The following ZNF592 variants were observed in gnomAD, a reference collection of about 807,000 sequenced individuals.
ZNF592 encodes the protein spinocerebellar ataxia, autosomal recessive 5.
ZNF592 carries 11 observed loss-of-function variants against 80.3 expected under a neutral mutation model. That is an observed-to-expected ratio of 0.14 (90% confidence interval 0.09 to 0.23). The LOEUF is 0.23. ZNF592 is among the 10% of genes least tolerant of loss of function. The pLI is 1.00. For synonymous variants in ZNF592, 646 were observed against 640.3 expected (o/e 1.01, Z -0.13); for missense variants, 1,420 against 1,633.9 (o/e 0.87, Z 2.26).
chr15:84,751,829 T>G (rs1045897053), intron 1 of ZNF592, among the ~76,000 whole-genome samples: 2 of 152,136 alleles, frequency 1.3e-5, no homozygotes, highest in African/African-American at 2.4e-5. Flanking sequence ...TGCTTTAACC[T>G]GGGAGGTGAA....
chr15:84,753,857 G>A (rs142449956), intron 1 of ZNF592, among the ~76,000 whole-genome samples: 46 of 152,320 alleles, frequency 3.0e-4, no homozygotes, highest in Non-Finnish European at 4.6e-4. Flanking sequence ...CTGAATGTTT[G>A]ATGTCCTTGA....
intron 1 of ZNF592, among the ~76,000 whole-genome samples, chr15:84,758,543 C>T (rs1899250057): frequency 6.6e-6 from 1 of 152,108 alleles, no homozygotes; most frequent in African/African-American, 2.4e-5. Flanking sequence ...CTTGGCATCC[C>T]AAAATGCTGG....
Position 84,798,006 on chromosome 15 carries a change from G to A in ZNF592, c.2537G>A (p.Ser846Asn). 3.7e-6 allele frequency: 6 copies of A among 1,614,106 alleles called. No homozygotes were observed. The highest frequency in any genetic ancestry group is 5.1e-6 in the Non-Finnish European group (6 of 1,180,042). ...FKTASSTADH[S>N]ATQHPTQPHR... ...ACTGCCAGCAGCACTGCAGACCACA[G>A]TGCCACCCAGCACCCCACCCAGCCC... Residue 846 changes from serine to asparagine, a missense_variant, in exon 6 of 11, where the codon AGT (serine) becomes AAT (asparagine). Physicochemically the swap from Ser to Asn is conservative, Grantham distance 46. Coordinates refer to ENST00000560079, the MANE Select transcript of ZNF592 (RefSeq NM_014630.3). The surrounding 1 kb of genome is among the most constrained non-coding windows in gnomAD (Gnocchi z 4.5).
At position 84,783,702 on chromosome 15, in the gene ZNF592, A is replaced by G; in HGVS notation, c.1027A>G (p.Ile343Val). 3 of 1,614,238 alleles carry G rather than the reference A, an allele frequency of 1.9e-6. No individual in the cohort carries two copies. The highest frequency in any genetic ancestry group is 2.5e-6 in the Non-Finnish European group (3 of 1,180,030). The change falls in exon 4 of 11, where the codon ATC becomes GTC. Residue 343 changes from isoleucine (I) to valine (V), a missense_variant. Ile to Val is a conservative substitution (Grantham distance 29, BLOSUM62 3). This residue lies in a region of ZNF592 where 524 missense variants were observed against 628.3 expected (regional missense o/e 0.83). Coordinates refer to ENST00000560079, the MANE Select transcript of ZNF592 (RefSeq NM_014630.3). This position sits in a 1 kb window ranked among gnomAD's most constrained non-coding sequence, Gnocchi z 5.0. ...RSPLEATRKSIKPSDSPRSIC... is the reference protein window; with the variant it reads ...RSPLEATRKSVKPSDSPRSIC... ...CCCTCTGGAGGCCACTAGAAAAAGT[A>G]TCAAGCCATCGGACAGCCCTCGTAG...
At chr15:84,782,590 G>C (rs1412428779) in intron 3 of ZNF592, 67 bp from the exon 4 acceptor site, 2 of 1,420,676 alleles carry the variant, frequency 1.4e-6, no homozygotes, top group Admixed American at 3.3e-5. Context: ...AGTTTGATGG[G>C]TGTGTAGTGA....
rs149584097 is a variant in ZNF592 at position 84,799,881 on chromosome 15, C to T, written c.3177C>T (p.Ser1059=). The T allele has an allele frequency of 1.2e-5, 19 of 1,614,208 alleles. No individual in the cohort carries two copies. In the African/African-American group the frequency reaches 2.3e-4, roughly 19 times the overall value. ...TEDSPSFPRP[S]LLESHISLMH... is the part of the protein sequence containing the mutation. The stretch of plus-strand genomic sequence containing the variant: ...ACAGCCCCAGCTTTCCTCGGCCCTC[C>T]CTTCTGGAGAGCCACATCAGCCTTA... The change falls in exon 10 of 11, where the codon TCC becomes TCT. Residue 1059 remains serine, a synonymous_variant. Coordinates refer to ENST00000560079, the MANE Select transcript of ZNF592 (RefSeq NM_014630.3). The surrounding 1 kb of genome is among the most constrained non-coding windows in gnomAD (Gnocchi z 4.2).
chr15:84,778,764 C>A (rs551690867), intron 3 of ZNF592, among the ~76,000 whole-genome samples: 2 of 152,240 alleles, frequency 1.3e-5, no homozygotes, highest in East Asian at 3.9e-4. Flanking sequence ...TGAAAAGGGG[C>A]GTCAAATGGA....
rs1056544962 is a variant in ZNF592 at position 84,784,271 on chromosome 15, G to C, written c.1596G>C (p.Gln532His). ...KSSVQRRSQPQLTQMSVPLVH... is the reference protein window; with the variant it reads ...KSSVQRRSQPHLTQMSVPLVH... ...CAGTGCAAAGACGGAGCCAGCCACA[G>C]CTTACACAAATGTCGGTGCCCCTGG... Residue 532 changes from glutamine to histidine, a missense_variant, in exon 4 of 11, where the codon CAG (glutamine) becomes CAC (histidine). Physicochemically the swap from Gln to His is conservative, Grantham distance 24. Around this residue, in one of 7 missense-constraint regions of ZNF592, gnomAD observed 524 missense variants for 628.3 expected, o/e 0.83. Coordinates refer to ENST00000560079, the MANE Select transcript of ZNF592 (RefSeq NM_014630.3). The surrounding 1 kb of genome is among the most constrained non-coding windows in gnomAD (Gnocchi z 5.8). The C allele has an allele frequency of 6.2e-7, 1 of 1,614,264 alleles. No homozygotes were observed. Among genetic ancestry groups the C allele is most frequent in the Non-Finnish European group, 8.5e-7 (1 of 1,180,052 alleles).
intron 2 of ZNF592, 97 bp downstream of exon 2, chr15:84,764,912 T>G (rs1264666144): frequency 9.5e-5 from 26 of 273,520 alleles, no homozygotes; most frequent in Admixed American, 3.7e-4. Flanking sequence ...TTTGTTTTGT[T>G]TTTTTTTGAT....
chr15:84,781,555 C>T (rs142833562), intron 3 of ZNF592, among the ~76,000 whole-genome samples: 25 of 152,220 alleles, frequency 1.6e-4, no homozygotes, highest in African/African-American at 6.0e-4. Context: ...CTAAAGTTTG[C>T]CACTTTTCTG....
intron 1 of ZNF592, among the ~76,000 whole-genome samples, chr15:84,748,961 G>T (rs1014402355): frequency 2.6e-5 from 4 of 151,960 alleles, no homozygotes; most frequent in Admixed American, 6.5e-5. Context: ...TGTCCTCCGC[G>T]CTGGGCGGGA....
chr15:84,754,294 C>T (rs1012222975), intron 1 of ZNF592, among the ~76,000 whole-genome samples: 4 of 152,130 alleles, frequency 2.6e-5, no homozygotes, highest in Admixed American at 1.3e-4. Flanking sequence ...CACGGTGGCT[C>T]GTGCTTGTAA....
At chr15:84,800,226 AG>A (rs1244181048) in intron 10 of ZNF592, among the ~76,000 whole-genome samples, 1 of 152,164 alleles carries the variant, frequency 6.6e-6, no homozygotes, top group Admixed American at 6.5e-5. Context: ...CCCCCTCTGT[AG>A]GGGTGTGCTG....
intron 5 of ZNF592, among the ~76,000 whole-genome samples, chr15:84,791,865 G>C (rs1962759270): frequency 6.6e-6 from 1 of 152,236 alleles, no homozygotes; most frequent in Admixed American, 6.5e-5. Flanking sequence ...TGGTTGTATA[G>C]AGGAATGTCA....
In ZNF592 at chr15:84,783,191, T is replaced by C; in HGVS notation, c.516T>C (p.Pro172=). Residue 172 remains proline, a synonymous_variant, in exon 4 of 11, where the codon CCT becomes CCC. Coordinates refer to ENST00000560079, the MANE Select transcript of ZNF592 (RefSeq NM_014630.3). The surrounding 1 kb of genome is among the most constrained non-coding windows in gnomAD (Gnocchi z 5.0). ...ACTCTGACAGTTATTTCCCACCCCC[T>C]CTTGGGTGCGGGGCTGTGGGAGGCC... ...PKHSDSYFPP[P]LGCGAVGGPV... is the part of the protein sequence containing the mutation. 6.2e-7 allele frequency: 1 copy of C among 1,614,142 alleles called. No individual in the cohort carries two copies. The highest frequency in any genetic ancestry group is 8.5e-7 in the Non-Finnish European group (1 of 1,180,024).
chr15:84,749,371 C>T (rs1461790287), intron 1 of ZNF592, among the ~76,000 whole-genome samples: 1 of 152,164 alleles, frequency 6.6e-6, no homozygotes, highest in African/African-American at 2.4e-5. Flanking sequence ...GCCTCCTGGC[C>T]TTGGATCAGC....
Position 84,803,583 on chromosome 15 carries a change from G to T in ZNF592, c.*1190G>T, listed in dbSNP as rs1022577749. Reference sequence around the variant, plus strand: ...AGTGACATTGGCTTTAGGGCGTATCGAAATTTTCTAGGCACCTTCATCTTT... The same window carrying T: ...AGTGACATTGGCTTTAGGGCGTATCTAAATTTTCTAGGCACCTTCATCTTT... On this transcript the variant is annotated 3_prime_UTR_variant, in exon 11 of 11. Transcript: ENST00000560079. The T allele has an allele frequency of 2.0e-5, 3 of 152,200 alleles. No individual in the cohort carries two copies. Among genetic ancestry groups the T allele is most frequent in the Non-Finnish European group, 2.9e-5 (2 of 68,038 alleles). 9.4% of individuals were successfully genotyped at this position (152,200 alleles called of 1,614,324 possible).
rs142580677 is a variant in ZNF592 at position 84,798,780 on chromosome 15, C to T, written c.2929C>T (p.Arg977Trp). ...CCACCGCAGGGTGGAAGCCAGGCCG[C>T]GGCTGAGGAACACTGGCTGGACCTG... Reference protein sequence around the residue: ...EAHRRVEARPRLRNTGWTCQE... With the variant: ...EAHRRVEARPWLRNTGWTCQE... The change falls in exon 8 of 11, where the codon CGG becomes TGG. Residue 977 changes from arginine to tryptophan, a missense_variant. Arg to Trp is a moderately radical substitution (Grantham distance 101, BLOSUM62 -3). Coordinates refer to ENST00000560079, the MANE Select transcript of ZNF592 (RefSeq NM_014630.3). This position sits in a 1 kb window ranked among gnomAD's most constrained non-coding sequence, Gnocchi z 4.5. The T allele has an allele frequency of 3.2e-5, 51 of 1,603,880 alleles. No homozygotes were observed. The African/African-American group carries it at 3.3e-4, about 10-fold the overall frequency.
intron 1 of ZNF592, among the ~76,000 whole-genome samples, chr15:84,755,639 C>T (rs1441728137): frequency 6.6e-6 from 1 of 152,118 alleles, no homozygotes; most frequent in Non-Finnish European, 1.5e-5. Flanking sequence ...ATATTTTCTT[C>T]CTATCATTTG....
Sources: allele counts gnomAD v4.1 joint callset (sites outside exome capture counted in the v4.1 genomes callset), GRCh38; gene constraint gnomAD v4.1.1; regional missense constraint gnomAD v4.1.1; non-coding constraint Gnocchi (gnomAD v3.1); transcripts MANE v1.5; gene names NCBI Gene and HGNC (gene_info 2026-07-23, HGNC 2026-07-21).